GPC6: variants seen among roughly 807,000 people sequenced by gnomAD.
GPC6 encodes glypican-6.
GPC6 carries 14 observed loss-of-function variants against 55.2 expected under a neutral mutation model. The ratio of observed to expected loss-of-function variants is 0.25; its 90% CI spans 0.17 to 0.40. GPC6 has a LOEUF of 0.40. Among genes scored for constraint, GPC6 ranks in the 10% least tolerant of loss-of-function variants. GPC6 has a pLI of 1.00. For missense variants in GPC6, 641 were observed against 708.5 expected, an observed-to-expected ratio of 0.90 and a Z score of 1.08; for synonymous variants, 278 against 259.6, an observed-to-expected ratio of 1.07 and a Z score of -0.68.
chr13:93,794,743 A>G (rs561691781), intron 2 of GPC6, among the ~76,000 whole-genome samples: 1 of 152,332 alleles, frequency 6.6e-6, no homozygotes, highest in African/African-American at 2.4e-5. Flanking sequence ...AAAGCTCACA[A>G]TACTCAAGGA....
At chr13:93,386,097 T>A (rs1210907210) in intron 1 of GPC6, among the ~76,000 whole-genome samples, 1 of 94,992 alleles carries the variant, frequency 1.1e-5, no homozygotes, top group Non-Finnish European at 2.0e-5. Context: ...GACCACTTTG[T>A]TAAAAAAAAA....
chr13:93,227,434 G>C lies in GPC6; in HGVS notation c.-23G>C. ...GAGCGCACCGGCCGTGGGGTTTACC[G>C]AGCTGGATTTGTATGTTGCACCATG... is the stretch of plus-strand genomic sequence containing the variant. On this transcript the variant is annotated 5_prime_UTR_variant, in exon 1 of 9. Transcript: ENST00000377047. This position sits in a 1 kb window ranked among gnomAD's most constrained non-coding sequence, Gnocchi z 4.3. 6.2e-7 allele frequency: 1 copy of C among 1,612,796 alleles called. No homozygotes were observed.
At chr13:93,307,298 A>G in intron 1 of GPC6, among the ~76,000 whole-genome samples, 1 of 152,236 alleles carries the variant, frequency 6.6e-6, no homozygotes, top group East Asian at 1.9e-4. Context: ...AAAGTGAATC[A>G]TGTACTCTTA....
intron 1 of GPC6, among the ~76,000 whole-genome samples, chr13:93,353,919 C>G (rs1339257190): frequency 6.6e-6 from 1 of 152,162 alleles, no homozygotes; most frequent in East Asian, 1.9e-4. Context: ...CATATTTTAT[C>G]TAAATAATAG....
chr13:93,952,677 A>T (rs1879303464), intron 3 of GPC6, among the ~76,000 whole-genome samples: 1 of 151,282 alleles, frequency 6.6e-6, no homozygotes, highest in Non-Finnish European at 1.5e-5. Flanking sequence ...ATGTGTGTAT[A>T]AATAGTATAT....
rs9589875 is a variant in GPC6, at chr13:93,981,763, T to G, written c.712-45966T>G. On this transcript the variant is annotated intron_variant, in intron 3 of 8. Transcript: ENST00000377047. ...TTATGCTCCAAATCATTTCACAGTG[T>G]CATGTGTTTGTTAATAAATTCAGTT... 6.5e-3 allele frequency among the ~76,000 whole-genome samples: 985 copies of G among 152,282 alleles called. 12 individuals are homozygous for G. The highest frequency in any genetic ancestry group is 0.023 in the African/African-American group (950 of 41,558).
intron 3 of GPC6, among the ~76,000 whole-genome samples, chr13:93,859,615 G>A (rs1407035736): frequency 6.6e-6 from 1 of 151,638 alleles, no homozygotes; most frequent in Non-Finnish European, 1.5e-5. Context: ...AAGATAGCAC[G>A]TATAATTACG....
At chr13:93,611,722 G>A (rs1348519799) in intron 2 of GPC6, among the ~76,000 whole-genome samples, 1 of 152,096 alleles carries the variant, frequency 6.6e-6, no homozygotes, top group Non-Finnish European at 1.5e-5. Context: ...ATCTCCTTTA[G>A]CGGATATTTT....
intron 5 of GPC6, among the ~76,000 whole-genome samples, chr13:94,298,972 A>G (rs1875495437): frequency 6.6e-6 from 1 of 152,190 alleles, no homozygotes. Flanking sequence ...ACAGAAATCT[A>G]CATGCTAATT....
intron 1 of GPC6, among the ~76,000 whole-genome samples, chr13:93,280,838 C>G (rs1442080938): frequency 6.6e-6 from 1 of 152,168 alleles, no homozygotes; most frequent in Non-Finnish European, 1.5e-5. Context: ...GTATTAGATT[C>G]TCATAAGGAG....
At chr13:93,281,492 A>G (rs1877947850) in intron 1 of GPC6, among the ~76,000 whole-genome samples, 1 of 152,212 alleles carries the variant, frequency 6.6e-6, no homozygotes, top group Non-Finnish European at 1.5e-5. Context: ...ATAAATATCA[A>G]TGTTACTTTG....
chr13:94,256,418 G>T (rs1891505402), intron 4 of GPC6, among the ~76,000 whole-genome samples: 1 of 152,150 alleles, frequency 6.6e-6, no homozygotes, highest in African/African-American at 2.4e-5. Context: ...AATACAGTGA[G>T]AACAATGATT....
At chr13:93,488,742 G>A (rs1212109466) in intron 1 of GPC6, among the ~76,000 whole-genome samples, 2 of 152,078 alleles carry the variant, frequency 1.3e-5, no homozygotes, top group African/African-American at 4.8e-5. Context: ...ATTTTTTCAT[G>A]TATTTTTTGG....
At chr13:93,243,583 G>A (rs543385495) in intron 1 of GPC6, among the ~76,000 whole-genome samples, 2 of 152,286 alleles carry the variant, frequency 1.3e-5, no homozygotes, top group Middle Eastern at 6.8e-3. Flanking sequence ...CTCTGATGGG[G>A]GTGGCAGGGG....
chr13:94,087,126 T>C (rs899455382), intron 4 of GPC6, among the ~76,000 whole-genome samples: 3 of 152,260 alleles, frequency 2.0e-5, no homozygotes, highest in African/African-American at 7.2e-5. Flanking sequence ...AATCCCACAT[T>C]ATTTCATAGA....
intron 2 of GPC6, among the ~76,000 whole-genome samples, chr13:93,727,867 G>A (rs372993835): frequency 3.3e-5 from 5 of 151,868 alleles, no homozygotes; most frequent in Non-Finnish European, 7.4e-5. Flanking sequence ...CTGTGAACTC[G>A]CTGCTAAACA....
intron 3 of GPC6, among the ~76,000 whole-genome samples, chr13:93,965,111 T>G (rs1242236994): frequency 5.5e-4 from 77 of 141,032 alleles, no homozygotes; most frequent in Middle Eastern, 3.6e-3. Flanking sequence ...AGTTTGTTTT[T>G]TTTTTTTTTT....
intron 6 of GPC6, among the ~76,000 whole-genome samples, chr13:94,356,677 G>C (rs1184678665): frequency 6.6e-6 from 1 of 152,198 alleles, no homozygotes; most frequent in East Asian, 1.9e-4. Flanking sequence ...CATAAGCAAA[G>C]GCTTGAGCTG....
chr13:94,123,045 T>A (rs1886689657), intron 4 of GPC6, among the ~76,000 whole-genome samples: 1 of 152,096 alleles, frequency 6.6e-6, no homozygotes, highest in Admixed American at 6.6e-5. Context: ...CAAACCCAGT[T>A]TAAAAAATCA....
Sources: allele counts gnomAD v4.1 joint callset (sites outside exome capture counted in the v4.1 genomes callset), GRCh38; gene constraint gnomAD v4.1.1; non-coding constraint Gnocchi (gnomAD v3.1); transcripts MANE v1.5; gene names NCBI Gene and HGNC (gene_info 2026-07-23, HGNC 2026-07-21).